The following SERINC2 variants were observed in gnomAD, a reference collection of about 807,000 sequenced individuals.
SERINC2 encodes serine incorporator 2.
SERINC2 carries 56 observed loss-of-function variants against 54.2 expected under a neutral mutation model. The observed-to-expected ratio is 1.03, with a 90% CI of 0.83 to 1.29. The LOEUF (loss-of-function observed/expected upper bound fraction) is 1.29. SERINC2 is among the 50% of genes most tolerant of loss of function. The pLI is 0.00. For missense variants in SERINC2, 614 were observed against 607.4 expected, an observed-to-expected ratio of 1.01 and a Z score of -0.12; for synonymous variants, 272 against 253.1, an observed-to-expected ratio of 1.07 and a Z score of -0.71.
upstream of SERINC2, among the ~76,000 whole-genome samples, chr1:31,412,000 CAAAAAA>C (rs11368197): frequency 1.3e-4 from 6 of 44,518 alleles, no homozygotes; most frequent in African/African-American, 5.3e-4. Flanking sequence ...GACCCTGTCT[CAAAAAA>C]AAAAAAAAAA....
chr1:31,412,425 C>T (rs1455991075), upstream of SERINC2, among the ~76,000 whole-genome samples: 1 of 152,098 alleles, frequency 6.6e-6, no homozygotes, highest in African/African-American at 2.4e-5. Context: ...GTGTGTAGCT[C>T]CCAGCAGGCT....
intron 8 of SERINC2, among the ~76,000 whole-genome samples, chr1:31,430,534 G>GACA (rs1345892025): frequency 6.6e-6 from 1 of 152,114 alleles, no homozygotes; most frequent in African/African-American, 2.4e-5. Flanking sequence ...GTCAGGCATG[G>GACA]TGGTATGCAC....
intron 8 of SERINC2, 40 bp from the exon 9 acceptor site, chr1:31,432,927 C>A: frequency 6.6e-7 from 1 of 1,506,372 alleles, no homozygotes; most frequent in Non-Finnish European, 9.1e-7. Flanking sequence ...TGAGCAACGC[C>A]AGAGCTATCT....
At position 31,432,130 on chromosome 1, in the gene SERINC2, AGGGT is replaced by A. The variant is rs1553134730; in HGVS notation, c.1014-834_1014-831del. Among the ~76,000 whole-genome samples the A allele has an allele frequency of 5.5e-4, 70 of 128,300 alleles. 7 individuals are homozygous for A. The highest frequency in any genetic ancestry group is 2.1e-3 in the African/African-American group (66 of 31,020). 84.2% of individuals were successfully genotyped at this position (128,300 alleles called of 152,430 possible). On this transcript the variant is annotated intron_variant, in intron 8 of 9. Transcript: ENST00000373709. ...GGTGGATAGGGTGGTTAGGGTGGATAGGGTGGACAGGGTGGACAGGGTGGACAGG... is the reference window on the plus strand; with the variant it reads ...GGTGGATAGGGTGGTTAGGGTGGATAGGACAGGGTGGACAGGGTGGACAGG...
intron 5 of SERINC2, 88 bp downstream of exon 5, chr1:31,426,001 A>G (rs1553133572): frequency 1.4e-6 from 2 of 1,421,720 alleles, no homozygotes; most frequent in Non-Finnish European, 1.9e-6. Flanking sequence ...TTGAAGCTAG[A>G]TAAAACTGGG....
rs1278864953 is a variant in SERINC2, at chr1:31,434,484, G to C, written c.*285G>C. The stretch of plus-strand genomic sequence containing the variant: ...CCATACTCAGCATCTCGGATGAAAG[G>C]GCTCCCTTGTCCTCAGGCTCCACGG... On this transcript the variant is annotated 3_prime_UTR_variant, in exon 10 of 10. Transcript: ENST00000373709. 4.4e-6 allele frequency: 2 copies of C among 451,922 alleles called. No individual in the cohort carries two copies. The highest frequency in any genetic ancestry group is 7.8e-5 in the Admixed American group (2 of 25,520). 28.0% of individuals were successfully genotyped at this position (451,922 alleles called of 1,614,324 possible).
intron 8 of SERINC2, among the ~76,000 whole-genome samples, chr1:31,431,981 TGGATAGGGTGGA>T: frequency 7.1e-6 from 1 of 141,240 alleles, no homozygotes. Flanking sequence ...GTGGATAGGG[TGGATAGGGTGGA>T]TAGGGTGGAT....
intron 6 of SERINC2, among the ~76,000 whole-genome samples, chr1:31,427,051 T>C (rs943754375): frequency 1.3e-5 from 2 of 152,232 alleles, no homozygotes; most frequent in African/African-American, 4.8e-5. Context: ...TAAATGGAGA[T>C]AATAAGACCT....
chr1:31,413,338 C>T lies in SERINC2; in HGVS notation c.39+34C>T. 2 of 1,170,184 alleles carry T rather than the reference C, an allele frequency of 1.7e-6. No individual in the cohort carries two copies. The highest frequency in any genetic ancestry group is 2.2e-6 in the Non-Finnish European group (2 of 926,244). 72.5% of individuals were successfully genotyped at this position (1,170,184 alleles called of 1,614,324 possible). A position where few individuals can be genotyped will look rare whatever the true frequency, so the allele number is the denominator to read the frequency against. Reference sequence around the variant, plus strand: ...CGACCCCGGCGCCCGCCCGCGCGCGCCGCCCGTTCCTGCTGCGGGCCCTCA... The same window carrying T: ...CGACCCCGGCGCCCGCCCGCGCGCGTCGCCCGTTCCTGCTGCGGGCCCTCA... On this transcript the variant is annotated intron_variant, in intron 1 of 9. Coordinates refer to ENST00000373709, the MANE Select transcript of SERINC2 (RefSeq NM_178865.5). The surrounding 1 kb of genome is among the most constrained non-coding windows in gnomAD (Gnocchi z 5.0).
Position 31,426,918 on chromosome 1 carries a change from A to G in SERINC2, c.780+95A>G, listed in dbSNP as rs1641060419. 9 of 1,181,590 alleles carry G rather than the reference A, an allele frequency of 7.6e-6. No individual in the cohort carries two copies. In the East Asian group the frequency reaches 2.1e-4, roughly 28 times the overall value. 73.2% of individuals were successfully genotyped at this position (1,181,590 alleles called of 1,614,324 possible). On this transcript the variant is annotated intron_variant, in intron 6 of 9. Transcript: ENST00000373709. ...GGGTCCTGGGGCTAGGGCTGTCATCACAGAGGCACGGCCTGAGTGTGTGGG... is the reference window on the plus strand; with the variant it reads ...GGGTCCTGGGGCTAGGGCTGTCATCGCAGAGGCACGGCCTGAGTGTGTGGG...
intron 8 of SERINC2, among the ~76,000 whole-genome samples, chr1:31,430,464 G>C (rs1242542470): frequency 6.6e-6 from 1 of 151,738 alleles, no homozygotes; most frequent in Non-Finnish European, 1.5e-5. Context: ...TTGGGCCCAG[G>C]AGTTCAAGGC....
At position 31,434,207 on chromosome 1, in the gene SERINC2, T is replaced by C. The variant is rs781919973; in HGVS notation, c.*8T>C. 6.2e-7 allele frequency: 1 copy of C among 1,611,182 alleles called. No homozygotes were observed. Among genetic ancestry groups the C allele is most frequent in the South Asian group, 1.1e-5 (1 of 90,918 alleles). On this transcript the variant is annotated 3_prime_UTR_variant, in exon 10 of 10. Transcript: ENST00000373709. ...AACCGCGACTTCAGCTGAGGCAGCC[T>C]CACAGCCTGCCATCTGGTGCCTCCT...
intron 1 of SERINC2, among the ~76,000 whole-genome samples, chr1:31,420,623 C>A (rs951323519): frequency 6.6e-6 from 1 of 152,180 alleles, no homozygotes; most frequent in African/African-American, 2.4e-5. Flanking sequence ...CTAGTGTAGT[C>A]CTGTAGGCAG....
At chr1:31,417,885 C>A (rs567514139) in intron 1 of SERINC2, among the ~76,000 whole-genome samples, 29 of 108,462 alleles carry the variant, frequency 2.7e-4, no homozygotes, top group Non-Finnish European at 4.8e-4. Flanking sequence ...GAGACAGAGT[C>A]CTGCTCTGTT....
In SERINC2 at chr1:31,432,905, T is replaced by C. The variant is rs112330587; in HGVS notation, c.1014-62T>C. On this transcript the variant is annotated intron_variant, in intron 8 of 9. Transcript: ENST00000373709. ...GCCTCTGAGGCTCTGGGACCATTTGTGTCCAGTGTTATGAGCAACGCCAGA... is the reference window on the plus strand; with the variant it reads ...GCCTCTGAGGCTCTGGGACCATTTGCGTCCAGTGTTATGAGCAACGCCAGA... The C allele has an allele frequency of 5.8e-4, 771 of 1,330,418 alleles. 3 individuals are homozygous for C. In the African/African-American group the frequency reaches 9.6e-3, roughly 17 times the overall value. The allele number at this position is 1,330,418 out of a possible 1,614,324, so 82.4% of individuals were successfully genotyped here.
chr1:31,433,037 G>A lies in SERINC2; in HGVS notation c.1084G>A (p.Ala362Thr), dbSNP rs376722575. The change falls in exon 9 of 10, where the codon GCC becomes ACC. Residue 362 changes from alanine to threonine, a missense_variant. By Grantham distance (58) the Ala-to-Thr change is moderately conservative. Transcript: ENST00000373709. ...CGAGGAGTGCCCACCTATGCTAGAC[G>A]CCACACAGCAGCAGCAGCAGGTGGC... ...QTEECPPMLD[A>T]TQQQQQVAAC... 151 of 1,522,862 alleles carry A rather than the reference G, an allele frequency of 9.9e-5. No individual in the cohort carries two copies. Among genetic ancestry groups the A allele is most frequent in the Admixed American group, 2.5e-4 (13 of 51,240 alleles). The allele number at this position is 1,522,862 out of a possible 1,614,324, so 94.3% of individuals were successfully genotyped here.
intron 1 of SERINC2, among the ~76,000 whole-genome samples, chr1:31,421,463 A>T (rs369098027): frequency 5.9e-5 from 9 of 152,228 alleles, no homozygotes; most frequent in African/African-American, 2.2e-4. Context: ...AAGTTGCTGG[A>T]CAGGTGGACT....
intron 1 of SERINC2, among the ~76,000 whole-genome samples, chr1:31,422,831 C>T (rs2148516923): frequency 6.6e-6 from 1 of 152,258 alleles, no homozygotes; most frequent in South Asian, 2.1e-4. Context: ...CATCACCAGC[C>T]CCTGAATGAT....
In SERINC2 at chr1:31,429,454, G is replaced by A. The variant is rs201420248; in HGVS notation, c.929G>A (p.Gly310Asp). The A allele has an allele frequency of 4.3e-6, 7 of 1,613,890 alleles. No individual in the cohort carries two copies. The Admixed American group carries it at 8.3e-5, about 19-fold the overall frequency. Residue 310 changes from glycine to aspartate, a missense_variant, in exon 8 of 10, where the codon GGC becomes GAC. Physicochemically the swap from Gly to Asp is moderately conservative, Grantham distance 94. Coordinates refer to ENST00000373709, the MANE Select transcript of SERINC2 (RefSeq NM_178865.5). ...TQLGNETVVA[G>D]PEGYETQWWD... The stretch of plus-strand genomic sequence containing the variant: ...CTGGGCAACGAGACAGTTGTGGCAG[G>A]CCCCGAGGGCTATGAGACCCAGTGG...
Sources: allele counts gnomAD v4.1 joint callset (sites outside exome capture counted in the v4.1 genomes callset), GRCh38; gene constraint gnomAD v4.1.1; non-coding constraint Gnocchi (gnomAD v3.1); transcripts MANE v1.5; gene names NCBI Gene and HGNC (gene_info 2026-07-23, HGNC 2026-07-21).